The following ZNF536 variants were observed in gnomAD, a reference collection of about 807,000 sequenced individuals.
ZNF536 encodes zinc finger protein 536.
A neutral mutation model predicts 84.5 loss-of-function variants in ZNF536; 13 were observed. The ratio of observed to expected loss-of-function variants is 0.15; its 90% CI spans 0.10 to 0.24. The LOEUF is 0.24. Ranked by LOEUF, ZNF536 falls within the 10% of genes least tolerant of loss-of-function variation. ZNF536 has a pLI of 1.00. For synonymous variants in ZNF536, 811 were observed against 742.5 expected, an observed-to-expected ratio of 1.09 and a Z score of -1.50; for missense variants, 1,536 against 1,747.5, an observed-to-expected ratio of 0.88 and a Z score of 2.16.
At chr19:30,593,102 G>C (rs572538424) in intron 1 of ZNF536, among the ~76,000 whole-genome samples, 1 of 152,176 alleles carries the variant, frequency 6.6e-6, no homozygotes. Context: ...GAGAGGAGAG[G>C]CTGTGTGAAA....
chr19:30,320,971 CACAGAA>C (rs1337326815), intron 2 of ZNF536, among the ~76,000 whole-genome samples: 1 of 152,186 alleles, frequency 6.6e-6, no homozygotes, highest in Non-Finnish European at 1.5e-5. Context: ...GCGACAAACA[CACAGAA>C]ATAACCTTGT....
At chr19:30,338,102 G>A (rs904923475) in intron 2 of ZNF536, among the ~76,000 whole-genome samples, 1 of 151,086 alleles carries the variant, frequency 6.6e-6, no homozygotes, top group Non-Finnish European at 1.5e-5. Flanking sequence ...GATCGTGATG[G>A]TGATTGTGAT....
At chr19:30,411,163 T>C (rs2050480301) in intron 1 of ZNF536, among the ~76,000 whole-genome samples, 1 of 152,238 alleles carries the variant, frequency 6.6e-6, no homozygotes, top group East Asian at 1.9e-4. Flanking sequence ...TACCTCCAAG[T>C]GGCATTGTTA....
chr19:30,267,633 G>A (rs541280044), intron 1 of ZNF536, among the ~76,000 whole-genome samples: 77 of 152,188 alleles, frequency 5.1e-4, no homozygotes, highest in African/African-American at 1.7e-3. Context: ...GGCACACCCC[G>A]TCCTGTCCTC....
chr19:30,390,566 G>A (rs778415629), intron 1 of ZNF536, among the ~76,000 whole-genome samples: 1 of 152,222 alleles, frequency 6.6e-6, no homozygotes, highest in African/African-American at 2.4e-5. Flanking sequence ...CAGGCTCTTT[G>A]AGAGCAAATC....
chr19:30,646,141 G>A (rs1568632611), intron 1 of ZNF536, among the ~76,000 whole-genome samples: 1 of 152,114 alleles, frequency 6.6e-6, no homozygotes, highest in Admixed American at 6.6e-5. Flanking sequence ...TAGCAACAAA[G>A]GTCTTTTTGT....
At chr19:30,272,298 C>A (rs1158585051) in intron 1 of ZNF536, among the ~76,000 whole-genome samples, 4 of 152,114 alleles carry the variant, frequency 2.6e-5, no homozygotes, top group Non-Finnish European at 5.9e-5. Context: ...GAAAGTACAG[C>A]GTTACCATGT....
At chr19:30,650,952 T>C (rs942946492) in intron 1 of ZNF536, among the ~76,000 whole-genome samples, 5 of 152,212 alleles carry the variant, frequency 3.3e-5, no homozygotes, top group African/African-American at 1.2e-4. Flanking sequence ...CAAGACAATA[T>C]TGATGTCTAA....
At chr19:30,284,222 G>A (rs1483744284) in intron 2 of ZNF536, 1 of 152,310 alleles carries the variant, frequency 6.6e-6, no homozygotes, top group East Asian at 1.9e-4. Flanking sequence ...TCTCTGGGCT[G>A]CTGATCCCTA....
chr19:30,695,713 G>T (rs2051628495), intron 1 of ZNF536, among the ~76,000 whole-genome samples: 1 of 152,202 alleles, frequency 6.6e-6, no homozygotes, highest in Non-Finnish European at 1.5e-5. Context: ...AGGATTTGGG[G>T]ACTTGACTTG....
chr19:30,242,682 G>A (rs7249850), intron 1 of ZNF536, among the ~76,000 whole-genome samples: 87,564 of 151,966 alleles, frequency 0.58, 27,629 homozygotes, highest in East Asian at 0.84. Flanking sequence ...TATCCCTTTC[G>A]AGAGAGGGAC....
intron 1 of ZNF536, among the ~76,000 whole-genome samples, chr19:30,259,605 C>T (rs926504682): frequency 6.6e-6 from 1 of 152,212 alleles, no homozygotes; most frequent in Admixed American, 6.5e-5. Context: ...TTTTCCAAGG[C>T]TAGAAGCCCA....
chr19:30,232,132 C>G (rs2023100997), intron 1 of ZNF536, among the ~76,000 whole-genome samples: 1 of 151,898 alleles, frequency 6.6e-6, no homozygotes, highest in Admixed American at 6.6e-5. Context: ...GGGAAGCCAT[C>G]TGGCCCACCT....
At chr19:30,510,194 G>A (rs572582050) in intron 2 of ZNF536, among the ~76,000 whole-genome samples, 9 of 152,240 alleles carry the variant, frequency 5.9e-5, no homozygotes, top group Admixed American at 1.3e-4. Flanking sequence ...TAACTATGCA[G>A]CCAGGTGCTT....
intron 3 of ZNF536, among the ~76,000 whole-genome samples, chr19:30,547,398 A>T (rs896826416): frequency 6.6e-6 from 1 of 152,208 alleles, no homozygotes; most frequent in African/African-American, 2.4e-5. Flanking sequence ...CCAAATAATG[A>T]TAAATTACTT....
intron 1 of ZNF536, among the ~76,000 whole-genome samples, chr19:30,282,286 T>G (rs149703151): frequency 7.2e-5 from 11 of 152,360 alleles, no homozygotes; most frequent in African/African-American, 2.6e-4. Context: ...CAGACACCCT[T>G]GCATAAGCCC....
intron 1 of ZNF536, among the ~76,000 whole-genome samples, chr19:30,673,956 C>T (rs1265028870): frequency 1.3e-5 from 2 of 152,214 alleles, no homozygotes; most frequent in African/African-American, 4.8e-5. Flanking sequence ...AGAAAAGCAG[C>T]TTCATCTCCG....
At chr19:30,410,465 CTTTTTT>C (rs201561646) in intron 1 of ZNF536, among the ~76,000 whole-genome samples, 1 of 122,632 alleles carries the variant, frequency 8.2e-6, no homozygotes, top group African/African-American at 4.0e-5. Context: ...AAGTGAAGGT[CTTTTTT>C]TTTTTTTTTT....
At chr19:30,494,709 G>A (rs111232139) in intron 2 of ZNF536, among the ~76,000 whole-genome samples, 3,642 of 152,158 alleles carry the variant, frequency 0.024, 109 homozygotes, top group African/African-American at 0.066. Flanking sequence ...ACTTTGGGAG[G>A]CTAAGGTGGG....
Sources: allele counts gnomAD v4.1 joint callset (sites outside exome capture counted in the v4.1 genomes callset), GRCh38; gene constraint gnomAD v4.1.1; transcripts MANE v1.5; gene names NCBI Gene and HGNC (gene_info 2026-07-23, HGNC 2026-07-21).